Variants in CLCN5 observed in about 807,000 individuals in gnomAD.
The protein encoded by CLCN5 is Cl-/H+ antiporter 5, also known as H(+)/Cl(-) exchange transporter 5.
A neutral mutation model predicts 54.0 loss-of-function variants in CLCN5; 17 were observed. The observed-to-expected ratio is 0.31, with a 90% CI of 0.22 to 0.47. The LOEUF is 0.47. Among genes scored for constraint, CLCN5 ranks in the 20% least tolerant of loss-of-function variants. The probability of loss-of-function intolerance (pLI) is 1.00; values close to 1 mark genes in which losing one functional copy is unlikely to be tolerated. For missense variants in CLCN5, 448 were observed against 646.7 expected, an observed-to-expected ratio of 0.69 and a Z score of 3.33; for synonymous variants, 222 against 233.0, an observed-to-expected ratio of 0.95 and a Z score of 0.43.
chrX:50,027,192 C>A (rs1602064742), intron 3 of CLCN5, among the ~76,000 whole-genome samples: 1 of 109,141 alleles, frequency 9.2e-6, no homozygotes, highest in African/African-American at 3.3e-5. Flanking sequence ...TTTTTTGTAT[C>A]TTTAGGAGAG....
chrX:50,090,809 T>G lies in CLCN5; in HGVS notation c.2283T>G (p.Thr761=), dbSNP rs1450849441. 2.5e-6 allele frequency: 3 copies of G among 1,209,859 alleles called. No homozygotes were observed. The African/African-American group carries it at 5.2e-5, about 21-fold the overall frequency. The change falls in exon 14 of 15, where the codon ACT becomes ACG. Residue 761 remains threonine (T), a synonymous_variant. Transcript: ENST00000376091. The stretch of plus-strand genomic sequence containing the variant: ...TCGATCTCAGCCCCTTCACTGTGAC[T>G]GACCTTACACCCATGGAGATCGTAG... The part of the protein sequence containing the change: ...NILDLSPFTV[T]DLTPMEIVVD...
chrX:50,060,562 C>T (rs1353153740), intron 4 of CLCN5, among the ~76,000 whole-genome samples: 30 of 101,338 alleles, frequency 3.0e-4, no homozygotes, highest in Admixed American at 5.2e-4. Context: ...AACTGCAAGG[C>T]GGCAGCGAGG....
At chrX:49,997,438 T>C (rs1477573409) in intron 3 of CLCN5, among the ~76,000 whole-genome samples, 1 of 111,302 alleles carries the variant, frequency 9.0e-6, no homozygotes, top group African/African-American at 3.3e-5. Flanking sequence ...ACACCTTACC[T>C]CAATACCTCC....
intron 3 of CLCN5, among the ~76,000 whole-genome samples, chrX:49,931,239 CTAT>C (rs1394530388): frequency 1.8e-5 from 2 of 111,031 alleles, no homozygotes; most frequent in Non-Finnish European, 3.8e-5. Flanking sequence ...TACATGGTAA[CTAT>C]TATTATTATT....
intron 6 of CLCN5, 47 bp from the exon 7 acceptor site, chrX:50,075,748 C>T (rs371825813): frequency 4.0e-5 from 44 of 1,112,161 alleles, no homozygotes; most frequent in Non-Finnish European, 5.5e-5. Context: ...GAACAGTTTC[C>T]GAGATTCAGT....
Position 50,090,532 on chromosome X carries a change from G to A in CLCN5, c.2143+18G>A. On this transcript the variant is annotated intron_variant, in intron 13 of 14. Transcript: ENST00000376091. ...TTCAATTGGTAAGGATTTCAGAAAG[G>A]GGATAGTGGAATCCACTGTGGAACT... 8.4e-7 allele frequency: 1 copy of A among 1,196,633 alleles called. No individual in the cohort carries two copies. The highest frequency in any genetic ancestry group is 1.1e-6 in the Non-Finnish European group (1 of 885,646).
intron 5 of CLCN5, among the ~76,000 whole-genome samples, chrX:50,071,979 A>G (rs1933236037): frequency 9.0e-6 from 1 of 111,701 alleles, no homozygotes; most frequent in Non-Finnish European, 1.9e-5. Flanking sequence ...AAAGAGATAC[A>G]TCATTGCTAT....
intron 3 of CLCN5, 65 bp downstream of exon 3, chrX:49,925,379 A>G (rs1925289263): frequency 9.2e-7 from 1 of 1,083,505 alleles, no homozygotes; most frequent in Non-Finnish European, 1.3e-6. Flanking sequence ...ACCCTCACCC[A>G]ACCGTTCCCC....
intron 3 of CLCN5, among the ~76,000 whole-genome samples, chrX:50,019,016 C>A: frequency 8.9e-6 from 1 of 111,875 alleles, no homozygotes; most frequent in Non-Finnish European, 1.9e-5. Flanking sequence ...AAAACTGGTA[C>A]AATTTTGTCT....
At chrX:49,992,168 C>A (rs1370097170) in intron 3 of CLCN5, among the ~76,000 whole-genome samples, 5 of 108,510 alleles carry the variant, frequency 4.6e-5, no homozygotes, top group Non-Finnish European at 9.5e-5. Flanking sequence ...GCAAAACGGT[C>A]CCGGGGTCTC....
At chrX:50,077,959 C>T (rs1341874011) in intron 7 of CLCN5, among the ~76,000 whole-genome samples, 4 of 102,057 alleles carry the variant, frequency 3.9e-5, no homozygotes, top group African/African-American at 1.1e-4. Flanking sequence ...ACCTGGGAGG[C>T]GGAGGTTGCA....
In CLCN5 at chrX:49,952,746, T is replaced by C. The variant is rs781871621; in HGVS notation, c.16+27432T>C. On this transcript the variant is annotated intron_variant, in intron 3 of 14. Coordinates refer to ENST00000376091, the MANE Select transcript of CLCN5 (RefSeq NM_001127898.4). Reference sequence around the variant, plus strand: ...TAAAAAATTAAAAATAAATGTAATATGTTATTGTAATATGTATTTAACCAG... The same window carrying C: ...TAAAAAATTAAAAATAAATGTAATACGTTATTGTAATATGTATTTAACCAG... Among the ~76,000 whole-genome samples, 4 of 112,256 alleles carry C rather than the reference T, an allele frequency of 3.6e-5. No homozygotes were observed. In the East Asian group the frequency reaches 8.3e-4, roughly 23 times the overall value.
chrX:50,003,299 A>C, intron 3 of CLCN5: 1 of 352,645 alleles, frequency 2.8e-6, no homozygotes, highest in Middle Eastern at 5.8e-4. Flanking sequence ...AGGGAGGTAG[A>C]CCCTCTCTTA....
intron 14 of CLCN5, among the ~76,000 whole-genome samples, chrX:50,091,433 G>A (rs1204300819): frequency 8.9e-6 from 1 of 112,023 alleles, no homozygotes; most frequent in Non-Finnish European, 1.9e-5. Context: ...GGAGGTTGAG[G>A]AGAGGGGTGG....
intron 4 of CLCN5, among the ~76,000 whole-genome samples, chrX:50,058,147 C>G (rs1557189330): frequency 9.0e-6 from 1 of 111,619 alleles, no homozygotes; most frequent in East Asian, 2.8e-4. Context: ...TTTAAAGGGA[C>G]TATTTTCAAG....
chrX:50,072,646 C>A, intron 6 of CLCN5, 58 bp downstream of exon 6: 1 of 878,821 alleles, frequency 1.1e-6, no homozygotes, highest in Non-Finnish European at 1.7e-6. Context: ...ATGTCTCTCC[C>A]GTAAGTCCTG....
At chrX:50,004,412 T>A (rs1308606668) in intron 3 of CLCN5, among the ~76,000 whole-genome samples, 1 of 110,485 alleles carries the variant, frequency 9.1e-6, no homozygotes, top group Non-Finnish European at 1.9e-5. Flanking sequence ...ACAGCATAGA[T>A]GGTGGTGGAG....
chrX:49,995,952 C>T (rs1226267527), intron 3 of CLCN5, among the ~76,000 whole-genome samples: 1 of 111,748 alleles, frequency 8.9e-6, no homozygotes, highest in Admixed American at 9.5e-5. Context: ...TGGCATATGG[C>T]ATTCTGTTGT....
At chrX:49,969,999 G>A (rs1349918418) in intron 3 of CLCN5, among the ~76,000 whole-genome samples, 1 of 111,298 alleles carries the variant, frequency 9.0e-6, no homozygotes, top group Non-Finnish European at 1.9e-5. Context: ...ATCATGACAT[G>A]ACCTTTTTTA....
Sources: gnomAD v4.1 joint callset for allele counts (sites outside exome capture counted in the v4.1 genomes callset) on GRCh38, gnomAD v4.1.1 for gene constraint, MANE v1.5 for transcripts, NCBI Gene and HGNC (gene_info 2026-07-23, HGNC 2026-07-21) for gene names.